Variants in NUSAP1 observed in about 807,000 individuals in gnomAD.
NUSAP1 encodes the protein nucleolar and spindle associated protein 1, also known as nucleolar and spindle-associated protein 1.
A neutral mutation model predicts 52.8 loss-of-function variants in NUSAP1; 32 were observed. The observed-to-expected ratio is 0.61, with a 90% confidence interval of 0.46 to 0.81. NUSAP1 has a LOEUF of 0.81. NUSAP1 is among the 40% of genes least tolerant of loss of function. The probability of loss-of-function intolerance (pLI) is 0.00; values close to 1 mark genes in which losing one functional copy is unlikely to be tolerated. For missense variants in NUSAP1, 499 were observed against 522.3 expected (o/e 0.96, Z 0.43); for synonymous variants, 195 against 183.1 (o/e 1.06, Z -0.52).
chr15:41,375,772 C>T lies in NUSAP1; in HGVS notation c.1067C>T (p.Pro356Leu). The change falls in exon 9 of 11, where the codon CCA becomes CTA. Residue 356 changes from proline to leucine, a missense_variant. Pro to Leu is a moderately conservative substitution (Grantham distance 98). Coordinates refer to ENST00000559596, the MANE Select transcript of NUSAP1 (RefSeq NM_016359.5). ...CAGACTCCAGTCTCCAATAAGAAAC[C>T]AGTGTTTGATCTTAAAGCAAGTTTG... ...ATQTPVSNKK[P>L]VFDLKASLSR... 1 of 1,613,902 alleles carries T rather than the reference C, an allele frequency of 6.2e-7. No homozygotes were observed. Among genetic ancestry groups the T allele is most frequent in the South Asian group, 1.1e-5 (1 of 91,084 alleles).
In NUSAP1 at chr15:41,342,434, A is replaced by G; in HGVS notation, c.142A>G (p.Arg48Gly). Residue 48 changes from arginine (R) to glycine (G), a missense_variant, in exon 2 of 11, where the codon AGA becomes GGA. Transcript: ENST00000559596. Reference protein sequence around the residue: ...ALKGYIKHEARKGNENQDESQ... With the variant: ...ALKGYIKHEAGKGNENQDESQ... ...GAAAGGCTACATTAAACATGAGGCAAGAAAAGGAAATGAGAATCAGGTGAG... is the reference window on the plus strand; with the variant it reads ...GAAAGGCTACATTAAACATGAGGCAGGAAAAGGAAATGAGAATCAGGTGAG... 1 of 1,593,122 alleles carries G rather than the reference A, an allele frequency of 6.3e-7. No homozygotes were observed. Among genetic ancestry groups the G allele is most frequent in the Non-Finnish European group, 8.6e-7 (1 of 1,169,140 alleles).
At chr15:41,369,375 C>T (rs895882984) in intron 7 of NUSAP1, among the ~76,000 whole-genome samples, 6 of 151,906 alleles carry the variant, frequency 3.9e-5, no homozygotes, top group South Asian at 2.1e-4. Flanking sequence ...GGTCCAGGTG[C>T]GGTGGCTCAC....
intron 8 of NUSAP1, among the ~76,000 whole-genome samples, chr15:41,374,729 GT>G (rs1056420968): frequency 6.6e-6 from 1 of 152,062 alleles, no homozygotes; most frequent in Non-Finnish European, 1.5e-5. Context: ...GTTTCACTAT[GT>G]TGGCCAGGAT....
intron 3 of NUSAP1, among the ~76,000 whole-genome samples, chr15:41,350,404 T>C (rs2048734809): frequency 6.6e-6 from 1 of 151,902 alleles, no homozygotes; most frequent in African/African-American, 2.4e-5. Context: ...ATGCTAATCA[T>C]GCTTAAGAAG....
intron 7 of NUSAP1, among the ~76,000 whole-genome samples, chr15:41,370,749 CAAAAAAAAAAAAAAA>C (rs60034914): frequency 2.7e-4 from 19 of 70,794 alleles, no homozygotes; most frequent in African/African-American, 8.5e-4. Context: ...AACTCCATCT[CAAAAAAAAAAAAAAA>C]AAAAAAAATT....
chr15:41,343,618 T>C (rs2048445227), intron 2 of NUSAP1, among the ~76,000 whole-genome samples: 1 of 152,062 alleles, frequency 6.6e-6, no homozygotes, highest in Admixed American at 6.5e-5. Context: ...CCTCCCAAAG[T>C]GCTGGGATTA....
chr15:41,370,216 C>A (rs2140817670), intron 7 of NUSAP1, among the ~76,000 whole-genome samples: 1 of 151,852 alleles, frequency 6.6e-6, no homozygotes, highest in Non-Finnish European at 1.5e-5. Context: ...CCCGTCTCTA[C>A]TAAAAATACA....
At position 41,381,006 on chromosome 15, in the gene NUSAP1, C is replaced by T. The variant is rs777586319; in HGVS notation, c.*820C>T. 2.6e-5 allele frequency: 4 copies of T among 152,188 alleles called. No homozygotes were observed. The highest frequency in any genetic ancestry group is 5.9e-5 in the Non-Finnish European group (4 of 68,034). The allele number at this position is 152,188 out of a possible 1,614,324, so 9.4% of individuals were successfully genotyped here. ...CTCAGTGGAGCTTCTGAGTTTTATA[C>T]TGCTCAAGATCGTCATAAATAAAAT... is the stretch of plus-strand genomic sequence containing the variant. On this transcript the variant is annotated 3_prime_UTR_variant, in exon 11 of 11. Transcript: ENST00000559596.
intron 7 of NUSAP1, among the ~76,000 whole-genome samples, chr15:41,366,424 C>T (rs544787149): frequency 7.6e-4 from 116 of 152,020 alleles, no homozygotes; most frequent in African/African-American, 2.7e-3. Flanking sequence ...GCTGGGACTA[C>T]AGGCACGTAC....
At chr15:41,334,811 G>A (rs1228772214) in intron 1 of NUSAP1, among the ~76,000 whole-genome samples, 1 of 151,998 alleles carries the variant, frequency 6.6e-6, no homozygotes, top group Non-Finnish European at 1.5e-5. Context: ...GCCTCCCGAA[G>A]TCCTGGGATT....
chr15:41,356,596 G>A (rs1235311276), intron 5 of NUSAP1, among the ~76,000 whole-genome samples: 6 of 151,572 alleles, frequency 4.0e-5, no homozygotes, highest in Admixed American at 2.0e-4. Flanking sequence ...CTCATGATCC[G>A]CCTGCCTCGG....
At chr15:41,345,058 G>A (rs2048512540) in intron 2 of NUSAP1, among the ~76,000 whole-genome samples, 2 of 152,082 alleles carry the variant, frequency 1.3e-5, no homozygotes, top group South Asian at 4.1e-4. Context: ...GGAGTGCAGT[G>A]GTACAATCAG....
In NUSAP1 at chr15:41,380,243, A is replaced by ATG. The variant is rs528753042; in HGVS notation, c.*58_*59insGT. ...ATTCTCAACTTTTTTCCTTTTGTAA[A>ATG]TTTTTTTTTTTTGCTGTCATCCCCA... On this transcript the variant is annotated 3_prime_UTR_variant, in exon 11 of 11. Coordinates refer to ENST00000559596, the MANE Select transcript of NUSAP1 (RefSeq NM_016359.5). 1.7e-5 allele frequency: 18 copies of ATG among 1,056,688 alleles called. No homozygotes were observed. Among genetic ancestry groups the ATG allele is most frequent in the Non-Finnish European group, 2.2e-5 (16 of 743,360 alleles). The allele number at this position is 1,056,688 out of a possible 1,614,324, so 65.5% of individuals were successfully genotyped here.
At chr15:41,342,002 T>C (rs1393731906) in intron 1 of NUSAP1, among the ~76,000 whole-genome samples, 3 of 152,216 alleles carry the variant, frequency 2.0e-5, no homozygotes, top group African/African-American at 7.2e-5. Flanking sequence ...CCTCTACCTC[T>C]TTCTCTACCT....
intron 1 of NUSAP1, among the ~76,000 whole-genome samples, chr15:41,341,588 A>T (rs890490258): frequency 6.6e-6 from 1 of 152,170 alleles, no homozygotes; most frequent in African/African-American, 2.4e-5. Context: ...AAACGTTGGC[A>T]TAACAAAGTT....
At chr15:41,366,384 A>G (rs1269075630) in intron 7 of NUSAP1, among the ~76,000 whole-genome samples, 2 of 147,766 alleles carry the variant, frequency 1.4e-5, no homozygotes, top group Non-Finnish European at 3.0e-5. Context: ...TCTGCCTCCC[A>G]GGTTCAAGCG....
intron 8 of NUSAP1, among the ~76,000 whole-genome samples, chr15:41,375,441 G>T (rs773974039): frequency 6.6e-6 from 1 of 152,072 alleles, no homozygotes; most frequent in Non-Finnish European, 1.5e-5. Flanking sequence ...CTCTCAAAGT[G>T]CTGAGATTAC....
chr15:41,348,279 G>T (rs2048654860), intron 2 of NUSAP1, among the ~76,000 whole-genome samples: 1 of 152,124 alleles, frequency 6.6e-6, no homozygotes. Context: ...GGGTTTCACT[G>T]TGTTGGCCAG....
intron 6 of NUSAP1, among the ~76,000 whole-genome samples, chr15:41,360,893 C>T (rs1186282446): frequency 4.7e-5 from 7 of 147,962 alleles, no homozygotes; most frequent in South Asian, 4.2e-4. Flanking sequence ...CTCCCGGGTT[C>T]GACAGATCTT....
Sources: gnomAD v4.1 joint callset for allele counts (sites outside exome capture counted in the v4.1 genomes callset) on GRCh38, gnomAD v4.1.1 for gene constraint, MANE v1.5 for transcripts, NCBI Gene and HGNC (gene_info 2026-07-23, HGNC 2026-07-21) for gene names.